CLEC2L: variants seen among roughly 807,000 people sequenced by gnomAD.
The protein encoded by CLEC2L is C-type lectin domain family 2 member L.
CLEC2L carries 14 observed loss-of-function variants against 23.6 expected under a neutral mutation model. The observed-to-expected ratio is 0.59, with a 90% confidence interval of 0.39 to 0.93. CLEC2L has a LOEUF of 0.93. CLEC2L is among the 40% of genes least tolerant of loss of function. The pLI is 0.00. For synonymous variants in CLEC2L, 114 were observed against 121.3 expected (o/e 0.94, Z 0.40); for missense variants, 264 against 282.4 (o/e 0.93, Z 0.47).
At chr7:139,535,886 C>T (rs1394510590) in intron 1 of CLEC2L, among the ~76,000 whole-genome samples, 2 of 152,226 alleles carry the variant, frequency 1.3e-5, no homozygotes, top group Non-Finnish European at 2.9e-5. Context: ...CTGAAGATTT[C>T]ATGAGCAGTG....
At chr7:139,528,592 TG>T (rs1039337121) in intron 1 of CLEC2L, among the ~76,000 whole-genome samples, 1 of 152,200 alleles carries the variant, frequency 6.6e-6, no homozygotes, top group Non-Finnish European at 1.5e-5. Flanking sequence ...GGGAAAAACC[TG>T]CCCCCATGAT....
intron 2 of CLEC2L, 88 bp downstream of exon 2, chr7:139,536,436 C>A: frequency 8.6e-7 from 1 of 1,159,986 alleles, no homozygotes; most frequent in Non-Finnish European, 1.2e-6. Flanking sequence ...AGATTCTAGA[C>A]ATTCCAAGAA....
chr7:139,542,987 G>C (rs557925697), intron 4 of CLEC2L, among the ~76,000 whole-genome samples: 234 of 152,206 alleles, frequency 1.5e-3, no homozygotes, highest in African/African-American at 5.4e-3. Context: ...GGTGGGGTGG[G>C]GAACACAGCT....
chr7:139,533,476 C>G (rs1404752974), intron 1 of CLEC2L, among the ~76,000 whole-genome samples: 1 of 152,182 alleles, frequency 6.6e-6, no homozygotes, highest in East Asian at 1.9e-4. Context: ...CTGCCTCAGC[C>G]TATCGAGTAG....
chr7:139,544,850 G>C lies in CLEC2L; in HGVS notation c.*508G>C, dbSNP rs911103471. On this transcript the variant is annotated 3_prime_UTR_variant, in exon 5 of 5. Transcript: ENST00000422142. ...GGAAAGCTTCCCCCTCACCTAGGCC[G>C]GGCCAGCCCCGCCCCGGGCCCCAGA... The C allele has an allele frequency of 6.5e-6, 1 of 153,780 alleles. No homozygotes were observed. Among genetic ancestry groups the C allele is most frequent in the African/African-American group, 2.4e-5 (1 of 41,480 alleles). The allele number at this position is 153,780 out of a possible 1,614,324, so 9.5% of individuals were successfully genotyped here.
rs547327264 is a variant in CLEC2L at position 139,543,784 on chromosome 7, C to T, written c.534-447C>T. 5.3e-5 allele frequency among the ~76,000 whole-genome samples: 8 copies of T among 152,280 alleles called. No homozygotes were observed. The South Asian group carries it at 1.2e-3, about 24-fold the overall frequency. On this transcript the variant is annotated intron_variant, in intron 4 of 4. Transcript: ENST00000422142. ...GCACTGCAGGGAGCCAAGATGAGAG[C>T]GCACAGAGCTCACTGCTCAGGAGAT... is the stretch of plus-strand genomic sequence containing the variant.
chr7:139,538,178 A>T lies in CLEC2L; in HGVS notation c.265+1830A>T, dbSNP rs1655201834. Among the ~76,000 whole-genome samples, 3 of 152,296 alleles carry T rather than the reference A, an allele frequency of 2.0e-5. No individual in the cohort carries two copies. In the South Asian group the frequency reaches 6.2e-4, roughly 32 times the overall value. On this transcript the variant is annotated intron_variant, in intron 2 of 4. Coordinates refer to ENST00000422142, the MANE Select transcript of CLEC2L (RefSeq NM_001080511.4). ...CCGGGTGCAGTGGCTCAAGCCTGTA[A>T]TCCCAGCACTTCGGGAGGCCAAGGT...
intron 1 of CLEC2L, 89 bp from the exon 2 acceptor site, chr7:139,536,185 C>G: frequency 1.0e-6 from 1 of 981,982 alleles, no homozygotes; most frequent in Non-Finnish European, 1.5e-6. Flanking sequence ...TCTACCTCCC[C>G]CTGTTTCTCA....
At position 139,540,478 on chromosome 7, in the gene CLEC2L, G is replaced by A. The variant is rs770704930; in HGVS notation, c.423G>A (p.Gln141=). The A allele has an allele frequency of 1.3e-5, 21 of 1,590,186 alleles. No homozygotes were observed. In the South Asian group the frequency reaches 2.4e-4, roughly 18 times the overall value. Residue 141 remains glutamine (Q), a synonymous_variant, in exon 3 of 5, where the codon CAG becomes CAA. Coordinates refer to ENST00000422142, the MANE Select transcript of CLEC2L (RefSeq NM_001080511.4). The surrounding 1 kb of genome is among the most constrained non-coding windows in gnomAD (Gnocchi z 5.8). ...HEAVLAVIQS[Q]KELEFMFKFT... is the part of the protein sequence containing the mutation. Reference sequence around the variant, plus strand: ...CGGTGCTGGCTGTGATTCAGAGCCAGAAGGAGCTGGTGAGTGTGCCAAGGT... The same window carrying A: ...CGGTGCTGGCTGTGATTCAGAGCCAAAAGGAGCTGGTGAGTGTGCCAAGGT...
intron 4 of CLEC2L, among the ~76,000 whole-genome samples, chr7:139,543,489 C>G (rs1797765925): frequency 6.6e-6 from 1 of 152,236 alleles, no homozygotes; most frequent in Admixed American, 6.5e-5. Flanking sequence ...CCAATGCCCT[C>G]TGTTGTGAGG....
intron 1 of CLEC2L, among the ~76,000 whole-genome samples, chr7:139,529,129 C>T (rs771512945): frequency 4.7e-4 from 71 of 151,422 alleles, no homozygotes; most frequent in Admixed American, 2.0e-3. Flanking sequence ...CCCCAAAGCA[C>T]AGTCCTTACC....
Position 139,536,298 on chromosome 7 carries a change from GTGCC to G in CLEC2L, c.216_219del (p.Ala73SerfsTer11). 1 of 1,551,516 alleles carries G rather than the reference GTGCC, an allele frequency of 6.4e-7. No homozygotes were observed. Among genetic ancestry groups the G allele is most frequent in the Non-Finnish European group, 8.7e-7 (1 of 1,146,876 alleles). On this transcript the variant is annotated frameshift_variant, in exon 2 of 5. Coordinates refer to ENST00000422142, the MANE Select transcript of CLEC2L (RefSeq NM_001080511.4). LOFTEE classifies it high-confidence loss of function. ...GACACCACCACACGCCTCCTGCTGG[GTGCC>G]ATCGCGGTCCTTCTGTTCGCCATCT...
chr7:139,525,567 C>G (rs945548681), intron 1 of CLEC2L, among the ~76,000 whole-genome samples: 2 of 152,148 alleles, frequency 1.3e-5, no homozygotes, highest in Non-Finnish European at 2.9e-5. Context: ...ACGCTGTCTC[C>G]GGCTTTACTG....
At chr7:139,534,225 C>A (rs2116314305) in intron 1 of CLEC2L, 1 of 910,624 alleles carries the variant, frequency 1.1e-6, no homozygotes, top group Middle Eastern at 2.1e-4. Context: ...GCGGCTGTAG[C>A]AAAGAGTTTG....
At chr7:139,537,139 C>T (rs1049522332) in intron 2 of CLEC2L, among the ~76,000 whole-genome samples, 2 of 151,668 alleles carry the variant, frequency 1.3e-5, no homozygotes, top group African/African-American at 4.8e-5. Flanking sequence ...TATTACTGCC[C>T]AGTGGCTTCC....
Position 139,540,051 on chromosome 7 carries a change from C to T in CLEC2L, c.266-270C>T, listed in dbSNP as rs1797711017. The T allele has an allele frequency of 4.5e-6, 2 of 440,300 alleles. No homozygotes were observed. The highest frequency in any genetic ancestry group is 4.2e-6 in the Non-Finnish European group (1 of 240,136). The allele number at this position is 440,300 out of a possible 1,614,324, so 27.3% of individuals were successfully genotyped here. A position where few individuals can be genotyped will look rare whatever the true frequency, so the allele number is the denominator to read the frequency against. On this transcript the variant is annotated intron_variant, in intron 2 of 4. Transcript: ENST00000422142. This position sits in a 1 kb window ranked among gnomAD's most constrained non-coding sequence, Gnocchi z 5.8. ...AGTCTGAGTTTCTGGCGTTCCATGC[C>T]TCTGGGAGTTTGGAGACAGAGGAGA...
At chr7:139,538,676 G>A (rs1488516195) in intron 2 of CLEC2L, among the ~76,000 whole-genome samples, 1 of 152,188 alleles carries the variant, frequency 6.6e-6, no homozygotes, top group Non-Finnish European at 1.5e-5. Context: ...TTGAATCCGG[G>A]AGGCAGAGGT....
chr7:139,525,053 A>G (rs1465551112), intron 1 of CLEC2L, among the ~76,000 whole-genome samples: 1 of 152,182 alleles, frequency 6.6e-6, no homozygotes, highest in Admixed American at 6.5e-5. Context: ...ACTCTGTGCC[A>G]CGTGGGAACT....
At chr7:139,527,341 G>C (rs369226821) in intron 1 of CLEC2L, among the ~76,000 whole-genome samples, 1 of 152,122 alleles carries the variant, frequency 6.6e-6, no homozygotes, top group African/African-American at 2.4e-5. Context: ...CCACACACAC[G>C]CTCTCCTCCC....
Sources: allele counts gnomAD v4.1 joint callset (sites outside exome capture counted in the v4.1 genomes callset), GRCh38; gene constraint gnomAD v4.1.1; non-coding constraint Gnocchi (gnomAD v3.1); transcripts MANE v1.5; gene names NCBI Gene and HGNC (gene_info 2026-07-23, HGNC 2026-07-21).